Variants in CCDC47 observed in about 807,000 individuals in gnomAD.
CCDC47 encodes the protein PAT complex subunit CCDC47.
A neutral mutation model predicts 60.5 loss-of-function variants in CCDC47; 41 were observed. That is an observed-to-expected ratio of 0.68 (90% CI 0.53 to 0.88). CCDC47 has a LOEUF of 0.88. Ranked by LOEUF, CCDC47 falls within the 40% of genes least tolerant of loss-of-function variation. The probability of loss-of-function intolerance (pLI) is 0.00; values close to 1 mark genes in which losing one functional copy is unlikely to be tolerated. For missense variants in CCDC47, 513 were observed against 580.9 expected (o/e 0.88, Z 1.20); for synonymous variants, 195 against 190.7 (o/e 1.02, Z -0.18).
chr17:63,772,346 C>T (rs1035873013), intron 1 of CCDC47, among the ~76,000 whole-genome samples: 19 of 150,862 alleles, frequency 1.3e-4, no homozygotes, highest in Non-Finnish European at 2.4e-4. Context: ...CTCCGCCTCC[C>T]GGGTTCACGC....
At position 63,752,368 on chromosome 17, in the gene CCDC47, C is replaced by T; in HGVS notation, c.1155G>A (p.Met385Ile). ...DMEALLPLMN[M>I]VIYSIDKAKK... is the part of the protein sequence containing the mutation. ...TGGCTTTATCAATAGAATAAATCAC[C>T]ATGTTCATCAGGGGTAGCAGTGCCT... The change falls in exon 11 of 13, where the codon ATG (methionine) becomes ATA (isoleucine). Residue 385 changes from methionine (M) to isoleucine (I), a missense_variant. Transcript: ENST00000225726. 1 of 1,613,976 alleles carries T rather than the reference C, an allele frequency of 6.2e-7. No individual in the cohort carries two copies. Among genetic ancestry groups the T allele is most frequent in the Non-Finnish European group, 8.5e-7 (1 of 1,179,942 alleles).
intron 1 of CCDC47, among the ~76,000 whole-genome samples, chr17:63,770,805 G>C (rs2039332830): frequency 6.6e-6 from 1 of 151,596 alleles, no homozygotes; most frequent in African/African-American, 2.4e-5. Flanking sequence ...GGTCAACATG[G>C]TGAAATCCCG....
chr17:63,771,045 G>GAAAGA (rs56378189), intron 1 of CCDC47, among the ~76,000 whole-genome samples: 11,353 of 97,450 alleles, frequency 0.12, 802 homozygotes, highest in Middle Eastern at 0.17. Context: ...AGGAAGGAAG[G>GAAAGA]AAGAAAGAAA....
At chr17:63,761,517 T>TTA (rs572243179) in intron 4 of CCDC47, 166 bp from the exon 5 acceptor site, 12 of 192,286 alleles carry the variant, frequency 6.2e-5, no homozygotes. Context: ...CTGTCCCTAC[T>TTA]AAAAAAAAAA....
At chr17:63,761,114 T>C in intron 5 of CCDC47, 116 bp downstream of exon 5, 1 of 1,444,732 alleles carries the variant, frequency 6.9e-7, no homozygotes, top group Non-Finnish European at 9.7e-7. Context: ...AATATCACTT[T>C]TAGACCTCAT....
In CCDC47 at chr17:63,745,831, C is replaced by T. The variant is rs1439164267; in HGVS notation, c.*1050G>A. Reference sequence around the variant, plus strand: ...AGTGCTCGTGCAGATACATGGGCCTCTCCTCCAAGAGTTGGTTCCGCAAGA... The same window carrying T: ...AGTGCTCGTGCAGATACATGGGCCTTTCCTCCAAGAGTTGGTTCCGCAAGA... On this transcript the variant is annotated 3_prime_UTR_variant, in exon 13 of 13. Coordinates refer to ENST00000225726, the MANE Select transcript of CCDC47 (RefSeq NM_020198.3). 6.6e-6 allele frequency: 1 copy of T among 152,228 alleles called. No individual in the cohort carries two copies. Among genetic ancestry groups the T allele is most frequent in the South Asian group, 2.1e-4 (1 of 4,834 alleles). 9.4% of individuals were successfully genotyped at this position (152,228 alleles called of 1,614,324 possible). A position where few individuals can be genotyped will look rare whatever the true frequency, so the allele number is the denominator to read the frequency against.
chr17:63,762,629 T>C (rs1322689954), intron 4 of CCDC47, among the ~76,000 whole-genome samples: 1 of 152,196 alleles, frequency 6.6e-6, no homozygotes, highest in Non-Finnish European at 1.5e-5. Context: ...GTGAGGTTAG[T>C]CCACCTCATT....
rs2039294784 is a variant in CCDC47 at position 63,765,977 on chromosome 17, T to C, written c.199A>G (p.Thr67Ala). The change falls in exon 2 of 13, where the codon ACC (threonine) becomes GCC (alanine). Residue 67 changes from threonine to alanine, a missense_variant. Transcript: ENST00000225726. ...TCCTGCCCTTCCAACTCCACAGTGGTCTCATCTTCATCATCTTCAGTGATT... is the reference window on the plus strand; with the variant it reads ...TCCTGCCCTTCCAACTCCACAGTGGCCTCATCTTCATCATCTTCAGTGATT... ...VIITEDDEDE[T>A]TVELEGQDEN... 3.7e-6 allele frequency: 6 copies of C among 1,614,130 alleles called. No individual in the cohort carries two copies. Among genetic ancestry groups the C allele is most frequent in the Non-Finnish European group, 5.1e-6 (6 of 1,180,002 alleles).
At chr17:63,768,656 T>G (rs1328968181) in intron 1 of CCDC47, among the ~76,000 whole-genome samples, 1 of 152,184 alleles carries the variant, frequency 6.6e-6, no homozygotes, top group East Asian at 1.9e-4. Context: ...ATCATGCTAA[T>G]GCATTCCAGC....
At chr17:63,766,849 T>C (rs1348670686) in intron 1 of CCDC47, 10 of 981,240 alleles carry the variant, frequency 1.0e-5, no homozygotes, top group Non-Finnish European at 1.2e-5. Context: ...GAGGTAAAAA[T>C]GAAGGAATAA....
At chr17:63,762,829 C>T (rs2039270465) in intron 4 of CCDC47, among the ~76,000 whole-genome samples, 1 of 152,218 alleles carries the variant, frequency 6.6e-6, no homozygotes. Flanking sequence ...ATTTTATCAA[C>T]TTGTTTTGAA....
chr17:63,749,868 T>C (rs1463715995), intron 12 of CCDC47, among the ~76,000 whole-genome samples: 1 of 152,136 alleles, frequency 6.6e-6, no homozygotes. Flanking sequence ...AGCGGGAGGA[T>C]GGCTTGAGCC....
At chr17:63,768,761 A>G (rs1385240945) in intron 1 of CCDC47, among the ~76,000 whole-genome samples, 2 of 152,142 alleles carry the variant, frequency 1.3e-5, no homozygotes, top group Non-Finnish European at 2.9e-5. Context: ...AGCCTGGGCA[A>G]CACAGTGAGA....
intron 4 of CCDC47, chr17:63,761,802 T>G (rs2039263676): frequency 1.1e-5 from 11 of 981,676 alleles, no homozygotes; most frequent in Non-Finnish European, 1.3e-5. Flanking sequence ...TATAGAACTG[T>G]TTGGACAGGG....
intron 4 of CCDC47, among the ~76,000 whole-genome samples, chr17:63,763,093 T>G (rs1322550904): frequency 6.6e-6 from 1 of 152,096 alleles, no homozygotes; most frequent in African/African-American, 2.4e-5. Flanking sequence ...AATTTTTATT[T>G]TATTTTATTT....
At chr17:63,752,984 T>TA in intron 9 of CCDC47, 185 bp from the exon 10 acceptor site, 1 of 895,914 alleles carries the variant, frequency 1.1e-6, no homozygotes. Context: ...GTCTATCTGA[T>TA]GGATGCATTC....
intron 6 of CCDC47, among the ~76,000 whole-genome samples, chr17:63,757,554 G>A (rs1212353083): frequency 6.6e-6 from 1 of 151,998 alleles, no homozygotes; most frequent in Non-Finnish European, 1.5e-5. Flanking sequence ...CTGCACTTCT[G>A]ACCTGCAGAA....
At position 63,761,312 on chromosome 17, in the gene CCDC47, T is replaced by C; in HGVS notation, c.587A>G (p.Lys196Arg). 1 of 1,614,072 alleles carries C rather than the reference T, an allele frequency of 6.2e-7. No homozygotes were observed. The highest frequency in any genetic ancestry group is 8.5e-7 in the Non-Finnish European group (1 of 1,179,986). Residue 196 changes from lysine to arginine, a missense_variant, in exon 5 of 13, where the codon AAG becomes AGG. Physicochemically the swap from Lys to Arg is conservative, Grantham distance 26. Coordinates refer to ENST00000225726, the MANE Select transcript of CCDC47 (RefSeq NM_020198.3). ...GATGTGCTCATTCTCCTGGTTCAAC[T>C]TTCCTGTGCTTGTGGCTTCTTTGTT... ...GTNKEATSTG[K>R]LNQENEHIYN...
chr17:63,756,450 T>C lies in CCDC47; in HGVS notation c.837+19A>G. On this transcript the variant is annotated intron_variant, in intron 7 of 12. Transcript: ENST00000225726. The stretch of plus-strand genomic sequence containing the variant: ...AGACACAGTTCTACGTATATTTGAG[T>C]TGGAGCAACCTGACATACCAAATCC... The C allele has an allele frequency of 6.2e-7, 1 of 1,606,642 alleles. No individual in the cohort carries two copies. Among genetic ancestry groups the C allele is most frequent in the Admixed American group, 1.7e-5 (1 of 60,008 alleles).
Sources: gnomAD v4.1 joint callset for allele counts (sites outside exome capture counted in the v4.1 genomes callset) on GRCh38, gnomAD v4.1.1 for gene constraint, MANE v1.5 for transcripts, NCBI Gene and HGNC (gene_info 2026-07-23, HGNC 2026-07-21) for gene names.